LILRB1: variants seen among roughly 807,000 people sequenced by gnomAD.
The protein encoded by LILRB1 is leukocyte immunoglobulin-like receptor subfamily B member 1.
A neutral mutation model predicts 74.6 loss-of-function variants in LILRB1; 59 were observed. The observed-to-expected ratio is 0.79, with a 90% CI of 0.64 to 0.98. The LOEUF (loss-of-function observed/expected upper bound fraction) is 0.98. Among genes scored for constraint, LILRB1 ranks in the 50% least tolerant of loss-of-function variants. The pLI is 0.00. For missense variants in LILRB1, 804 were observed against 822.6 expected, an observed-to-expected ratio of 0.98 and a Z score of 0.28; for synonymous variants, 328 against 333.9, an observed-to-expected ratio of 0.98 and a Z score of 0.19.
At position 54,633,232 on chromosome 19, in the gene LILRB1, CGGGGA is replaced by C; in HGVS notation, c.1176_1180del (p.Gly393LeufsTer19). ...ATGGGTCCTGTGACCTCAGCCCATG[CGGGGA>C]CCTACAGGTGCTACGGCTCACAGAG... On this transcript the variant is annotated frameshift_variant, in exon 7 of 15. Transcript: ENST00000324602. LOFTEE classifies it high-confidence loss of function. The C allele has an allele frequency of 6.2e-7, 1 of 1,614,166 alleles. No individual in the cohort carries two copies. The highest frequency in any genetic ancestry group is 8.5e-7 in the Non-Finnish European group (1 of 1,180,020).
Position 54,636,902 on chromosome 19 carries a change from C to T in LILRB1, c.*24C>T. On this transcript the variant is annotated 3_prime_UTR_variant, in exon 15 of 15. Coordinates refer to ENST00000324602, the MANE Select transcript of LILRB1 (RefSeq NM_001081637.3). ...AGCCCAGGGGGGGACGCAGACCCCA[C>T]ACTCCATGGAGTCTGGAATGCATGG... 6.2e-7 allele frequency: 1 copy of T among 1,613,188 alleles called. No individual in the cohort carries two copies.
rs1176807390 is a variant in LILRB1 at position 54,637,545 on chromosome 19, AAGAAAGAAAAAG to A, written c.*673_*684del. On this transcript the variant is annotated 3_prime_UTR_variant, in exon 15 of 15. Coordinates refer to ENST00000324602, the MANE Select transcript of LILRB1 (RefSeq NM_001081637.3). Reference sequence around the variant, plus strand: ...TCTCAAATTAAAAAAAAAAAAAAAAAAGAAAGAAAAAGAGAAAAAAGAAATTTAGAAGAATAA... The same window carrying A: ...TCTCAAATTAAAAAAAAAAAAAAAAAAGAAAAAAGAAATTTAGAAGAATAA... 6.6e-6 allele frequency: 1 copy of A among 151,418 alleles called. No homozygotes were observed. The highest frequency in any genetic ancestry group is 1.5e-5 in the Non-Finnish European group (1 of 67,884). 9.4% of individuals were successfully genotyped at this position (151,418 alleles called of 1,614,324 possible). A position where few individuals can be genotyped will look rare whatever the true frequency, so the allele number is the denominator to read the frequency against.
At chr19:54,635,492 C>T in intron 12 of LILRB1, 65 bp from the exon 13 acceptor site, 1 of 1,570,066 alleles carries the variant, frequency 6.4e-7, no homozygotes. Flanking sequence ...TGAGCAGGGG[C>T]TGGCAGGACT....
chr19:54,625,682 A>AC (rs1230690159), upstream of LILRB1, among the ~76,000 whole-genome samples: 6 of 145,996 alleles, frequency 4.1e-5, no homozygotes, highest in African/African-American at 1.6e-4. Flanking sequence ...CCTCTCACTC[A>AC]CCCCTTCCCC....
At position 54,636,896 on chromosome 19, in the gene LILRB1, A is replaced by T. The variant is rs1219174078; in HGVS notation, c.*18A>T. ...TCCACTAGCCCAGGGGGGGACGCAG[A>T]CCCCACACTCCATGGAGTCTGGAAT... On this transcript the variant is annotated 3_prime_UTR_variant, in exon 15 of 15. Transcript: ENST00000324602. 5 of 1,612,646 alleles carry T rather than the reference A, an allele frequency of 3.1e-6. No individual in the cohort carries two copies. Among genetic ancestry groups the T allele is most frequent in the Non-Finnish European group, 4.2e-6 (5 of 1,179,358 alleles).
At chr19:54,631,836 G>A in intron 4 of LILRB1, 49 bp downstream of exon 4, 1 of 1,607,504 alleles carries the variant, frequency 6.2e-7, no homozygotes. Context: ...CCTCAGGAAG[G>A]GGGACGGCTC....
In LILRB1 at chr19:54,637,049, T is replaced by C. The variant is rs1366790465; in HGVS notation, c.*171T>C. 2.7e-6 allele frequency: 2 copies of C among 729,780 alleles called. No homozygotes were observed. The highest frequency in any genetic ancestry group is 3.5e-5 in the African/African-American group (2 of 56,374). 45.2% of individuals were successfully genotyped at this position (729,780 alleles called of 1,614,324 possible). A position where few individuals can be genotyped will look rare whatever the true frequency, so the allele number is the denominator to read the frequency against. ...TAAATAACTAATGTCTCTACAATTT[T>C]GAAATAAAGCAACAGACTTCTCAAT... On this transcript the variant is annotated 3_prime_UTR_variant, in exon 15 of 15. Transcript: ENST00000324602.
Position 54,631,573 on chromosome 19 carries a change from G to A in LILRB1, c.144G>A (p.Arg48=). The A allele has an allele frequency of 1.2e-6, 2 of 1,614,246 alleles. No homozygotes were observed. Among genetic ancestry groups the A allele is most frequent in the Non-Finnish European group, 1.7e-6 (2 of 1,180,026 alleles). The change falls in exon 4 of 15, where the codon AGG becomes AGA. Residue 48 remains arginine, a synonymous_variant. Coordinates refer to ENST00000324602, the MANE Select transcript of LILRB1 (RefSeq NM_001081637.3). ...CCCAGGGGAGTCCTGTGACCCTCAG[G>A]TGTCAGGGGGGCCAGGAGACCCAGG... ...VITQGSPVTL[R]CQGGQETQEY... is the part of the protein sequence containing the mutation.
Position 54,633,668 on chromosome 19 carries a change from C to G in LILRB1, c.1292C>G (p.Thr431Arg). 4 of 1,613,748 alleles carry G rather than the reference C, an allele frequency of 2.5e-6. No individual in the cohort carries two copies. The highest frequency in any genetic ancestry group is 3.4e-6 in the Non-Finnish European group (4 of 1,179,816). ...GPSGGPSSPT[T>R]GPTSTSAGPE... ...TCTGGGGGCCCCAGCTCCCCGACAA[C>G]AGGCCCCACCTCCACATCTGGTGAG... is the stretch of plus-strand genomic sequence containing the variant. The change falls in exon 8 of 15, where the codon ACA (threonine) becomes AGA (arginine). Residue 431 changes from threonine to arginine, a missense_variant. Transcript: ENST00000324602.
upstream of LILRB1, among the ~76,000 whole-genome samples, chr19:54,627,030 T>C (rs1449719287): frequency 6.6e-6 from 1 of 152,054 alleles, no homozygotes; most frequent in African/African-American, 2.4e-5. Context: ...TATCCCAGGG[T>C]CTGTCCACAA....
chr19:54,622,130 T>C (rs1453718595), intron 1 of LILRB1, among the ~76,000 whole-genome samples: 8 of 152,180 alleles, frequency 5.3e-5, no homozygotes, highest in African/African-American at 1.9e-4. Context: ...ATGCCTCCTG[T>C]TTTGTTCTTT....
intron 1 of LILRB1, among the ~76,000 whole-genome samples, chr19:54,618,219 G>A (rs987521693): frequency 4.0e-5 from 6 of 151,874 alleles, no homozygotes; most frequent in African/African-American, 7.3e-5. Flanking sequence ...TGCCTAATGC[G>A]TCCATGAATC....
chr19:54,618,292 T>A (rs565698061), intron 1 of LILRB1, among the ~76,000 whole-genome samples: 1 of 152,248 alleles, frequency 6.6e-6, no homozygotes, highest in South Asian at 2.1e-4. Flanking sequence ...ATTAATTGGC[T>A]TAAAGAGAAT....
In LILRB1 at chr19:54,632,493, C is replaced by T. The variant is rs2063964469; in HGVS notation, c.691C>T (p.Gln231Ter). 6.2e-7 allele frequency: 1 copy of T among 1,612,372 alleles called. No homozygotes were observed. Among genetic ancestry groups the T allele is most frequent in the Non-Finnish European group, 8.5e-7 (1 of 1,178,794 alleles). Reference protein sequence around the residue: ...GVSKKPSLSVQPGPIVAPEET... With the variant: ...GVSKKPSLSV ...TTCTAAGAAGCCATCACTCTCAGTG[C>T]AGCCAGGTCCTATCGTGGCCCCTGA... is the stretch of plus-strand genomic sequence containing the variant. Residue 231 changes from glutamine (Q) to a stop codon, truncating the protein, a stop_gained, in exon 6 of 15, where the codon CAG becomes TAG. Transcript: ENST00000324602. LOFTEE classifies it high-confidence loss of function.
chr19:54,630,326 G>C (rs935277981), upstream of LILRB1: 4 of 290,550 alleles, frequency 1.4e-5, no homozygotes, highest in Non-Finnish European at 2.8e-5. Context: ...AGGGCACCGA[G>C]GAGGCAGGAA....
chr19:54,618,622 A>G (rs1362156105), intron 1 of LILRB1, among the ~76,000 whole-genome samples: 2 of 152,250 alleles, frequency 1.3e-5, no homozygotes, highest in African/African-American at 2.4e-5. Context: ...GCAGCCTGAC[A>G]CACACAAAAC....
At chr19:54,623,716 TC>T (rs1467543225) in intron 1 of LILRB1, among the ~76,000 whole-genome samples, 1 of 152,234 alleles carries the variant, frequency 6.6e-6, no homozygotes, top group Non-Finnish European at 1.5e-5. Context: ...GCCAGTGCGA[TC>T]CTTTGGTGGT....
chr19:54,635,183 A>G lies in LILRB1; in HGVS notation c.1562+4A>G, dbSNP rs781408282. On this transcript the variant is annotated splice_donor_region_variant and intron_variant, in intron 11 of 14. Transcript: ENST00000324602. The stretch of plus-strand genomic sequence containing the variant: ...CAGACAGAGGCCTGCAGTGGAGGTA[A>G]TTCTGCCCGAAGACCCCAGACTCCC... 2.5e-6 allele frequency: 4 copies of G among 1,597,750 alleles called. No homozygotes were observed. The highest frequency in any genetic ancestry group is 3.4e-6 in the Non-Finnish European group (4 of 1,168,118).
Position 54,634,156 on chromosome 19 carries a change from A to G in LILRB1, c.1363+135A>G, listed in dbSNP as rs959816315. On this transcript the variant is annotated intron_variant, in intron 9 of 14. Coordinates refer to ENST00000324602, the MANE Select transcript of LILRB1 (RefSeq NM_001081637.3). ...CCTGCTTGGGCCTCAGTTTCTCCAAATGTAAAGGTGAGAGGCCTGCGGGTG... is the reference window on the plus strand; with the variant it reads ...CCTGCTTGGGCCTCAGTTTCTCCAAGTGTAAAGGTGAGAGGCCTGCGGGTG... The G allele has an allele frequency of 7.7e-4, 1,174 of 1,525,880 alleles. 23 individuals are homozygous for G. The South Asian group carries it at 0.014, about 18-fold the overall frequency. 94.5% of individuals were successfully genotyped at this position (1,525,880 alleles called of 1,614,324 possible). A position where few individuals can be genotyped will look rare whatever the true frequency, so the allele number is the denominator to read the frequency against.
Sources: gnomAD v4.1 joint callset for allele counts (sites outside exome capture counted in the v4.1 genomes callset) on GRCh38, gnomAD v4.1.1 for gene constraint, MANE v1.5 for transcripts, NCBI Gene and HGNC (gene_info 2026-07-23, HGNC 2026-07-21) for gene names.